ZNF892: variants seen among roughly 807,000 people sequenced by gnomAD.
ZNF892 encodes zinc finger protein 570-like.
chr2:95,244,528 C>T, the ZNF892 span, among the ~76,000 whole-genome samples: 6 of 152,160 alleles, frequency 3.9e-5, no homozygotes, highest in East Asian at 7.7e-4. Flanking sequence ...ACAGGAACAC[C>T]CATATTCATA....
the ZNF892 span, among the ~76,000 whole-genome samples, chr2:95,217,645 G>A: frequency 6.6e-6 from 1 of 152,218 alleles, no homozygotes; most frequent in Non-Finnish European, 1.5e-5. Flanking sequence ...AAAGTAGGAG[G>A]AGGGATGCAT....
chr2:95,211,453 A>G, the ZNF892 span, among the ~76,000 whole-genome samples: 1 of 152,238 alleles, frequency 6.6e-6, no homozygotes, highest in Admixed American at 6.5e-5. Flanking sequence ...TGTGGACTAC[A>G]TATTCACCAG....
chr2:95,238,925 G>A, the ZNF892 span, among the ~76,000 whole-genome samples: 2 of 152,148 alleles, frequency 1.3e-5, no homozygotes, highest in Admixed American at 1.3e-4. Context: ...GATCACCTGA[G>A]CTCAGGAGTT....
At chr2:95,261,962 G>A in the ZNF892 span, among the ~76,000 whole-genome samples, 3 of 152,174 alleles carry the variant, frequency 2.0e-5, no homozygotes, top group East Asian at 1.9e-4. Flanking sequence ...GTCAGTGCAC[G>A]CTCTAACGTA....
chr2:95,259,153 G>A, the ZNF892 span: 1 of 152,302 alleles, frequency 6.6e-6, no homozygotes, highest in South Asian at 2.1e-4. Flanking sequence ...TCACGTGGGA[G>A]TTTTTGTCTC....
At chr2:95,241,109 G>C in the ZNF892 span, among the ~76,000 whole-genome samples, 1 of 152,208 alleles carries the variant, frequency 6.6e-6, no homozygotes, top group Non-Finnish European at 1.5e-5. Context: ...AGACCTGGAA[G>C]TGTCCCCACC....
chr2:95,215,080 C>G, the ZNF892 span: 1 of 501,464 alleles, frequency 2.0e-6, no homozygotes, highest in Non-Finnish European at 3.6e-6. Context: ...ACATTCCTTA[C>G]CCAGCATCAG....
chr2:95,207,580 C>T, the ZNF892 span: 3 of 383,240 alleles, frequency 7.8e-6, no homozygotes, highest in East Asian at 3.7e-5. Flanking sequence ...ATGCCTTTGT[C>T]GTCGGGCTCG....
the ZNF892 span, among the ~76,000 whole-genome samples, chr2:95,216,001 G>A: frequency 1.3e-5 from 2 of 152,222 alleles, no homozygotes; most frequent in East Asian, 1.9e-4. Flanking sequence ...AAAAGAGATC[G>A]AGAATTCACA....
At chr2:95,247,641 G>A in the ZNF892 span, among the ~76,000 whole-genome samples, 1 of 151,702 alleles carries the variant, frequency 6.6e-6, no homozygotes, top group South Asian at 2.1e-4. Flanking sequence ...TAATCTATAA[G>A]GAACTTAAAC....
At chr2:95,252,664 G>C in the ZNF892 span, among the ~76,000 whole-genome samples, 1 of 152,304 alleles carries the variant, frequency 6.6e-6, no homozygotes, top group South Asian at 2.1e-4. Context: ...TCGCCACACT[G>C]ACTTCTACAA....
the ZNF892 span, among the ~76,000 whole-genome samples, chr2:95,238,166 C>T: frequency 3.9e-5 from 6 of 152,224 alleles, no homozygotes; most frequent in African/African-American, 1.4e-4. Flanking sequence ...ACTTTCATAG[C>T]TAGAGAGAAG....
At chr2:95,245,667 A>G in the ZNF892 span, among the ~76,000 whole-genome samples, 1 of 152,076 alleles carries the variant, frequency 6.6e-6, no homozygotes, top group Admixed American at 6.5e-5. Flanking sequence ...AAACACAATC[A>G]GAAATGATAA....
the ZNF892 span, among the ~76,000 whole-genome samples, chr2:95,255,806 T>A: frequency 6.6e-6 from 1 of 152,356 alleles, no homozygotes; most frequent in East Asian, 1.9e-4. Context: ...GCTCTTCTTG[T>A]TGAATTGATC....
At chr2:95,216,599 T>C in the ZNF892 span, among the ~76,000 whole-genome samples, 1 of 152,234 alleles carries the variant, frequency 6.6e-6, no homozygotes, top group Admixed American at 6.5e-5. Flanking sequence ...TACTCTTGGG[T>C]AGAGGCAGGT....
the ZNF892 span, among the ~76,000 whole-genome samples, chr2:95,220,380 C>T: frequency 4.1e-5 from 6 of 144,872 alleles, no homozygotes; most frequent in African/African-American, 1.0e-4. Context: ...TGCCTGTTGG[C>T]GTTTCCGGGT....
At chr2:95,244,221 C>T in the ZNF892 span, among the ~76,000 whole-genome samples, 2 of 149,708 alleles carry the variant, frequency 1.3e-5, no homozygotes, top group Non-Finnish European at 3.0e-5. Flanking sequence ...CCGCAGGGTC[C>T]TCTGCCTAGG....
chr2:95,217,323 AGG>A, the ZNF892 span, among the ~76,000 whole-genome samples: 1 of 152,200 alleles, frequency 6.6e-6, no homozygotes, highest in Non-Finnish European at 1.5e-5. Context: ...TTTGGGGAAG[AGG>A]GGATACGTTT....
the ZNF892 span, among the ~76,000 whole-genome samples, chr2:95,220,084 G>A: frequency 6.6e-6 from 1 of 152,178 alleles, no homozygotes; most frequent in East Asian, 1.9e-4. Context: ...ACGCTGCCAG[G>A]GCAATGTGTG....
Sources: gnomAD v4.1 joint callset for allele counts (sites outside exome capture counted in the v4.1 genomes callset) on GRCh38, gnomAD v4.1.1 for gene constraint, MANE v1.5 for transcripts, NCBI Gene and HGNC (gene_info 2026-07-23, HGNC 2026-07-21) for gene names.